Variants in SAMMSON observed in about 807,000 individuals in gnomAD.
The protein encoded by SAMMSON is survival associated mitochondrial melanoma specific oncogenic non-coding RNA.
chr3:70,363,831 TGACA>T (rs1702896502), intron 9 of SAMMSON, among the ~76,000 whole-genome samples: 2 of 142,420 alleles, frequency 1.4e-5, no homozygotes, highest in African/African-American at 5.1e-5. Flanking sequence ...TGTGTGTGCA[TGACA>T]GAGAGAGAGT....
intron 4 of SAMMSON, among the ~76,000 whole-genome samples, chr3:70,212,182 C>A (rs1449892956): frequency 1.3e-5 from 2 of 152,138 alleles, no homozygotes; most frequent in African/African-American, 4.8e-5. Context: ...CCTGGCACTG[C>A]GCTAACCACT....
chr3:70,430,153 T>C (rs1701402332), intron 2 of SAMMSON, among the ~76,000 whole-genome samples: 1 of 152,128 alleles, frequency 6.6e-6, no homozygotes, highest in African/African-American at 2.4e-5. Context: ...CAGTACCTAG[T>C]TTATTGAGAG....
intron 3 of SAMMSON, among the ~76,000 whole-genome samples, chr3:70,063,493 G>C (rs1265831207): frequency 6.6e-6 from 1 of 152,024 alleles, no homozygotes; most frequent in African/African-American, 2.4e-5. Context: ...ATCCCCATCA[G>C]CTTCTCTTCT....
At chr3:70,260,587 T>G (rs1452145012) in intron 6 of SAMMSON, among the ~76,000 whole-genome samples, 2 of 152,042 alleles carry the variant, frequency 1.3e-5, no homozygotes, top group African/African-American at 4.8e-5. Flanking sequence ...CATATTTTAT[T>G]TATTTATTAA....
At chr3:70,290,641 G>T (rs181612260) in intron 6 of SAMMSON, among the ~76,000 whole-genome samples, 1 of 152,172 alleles carries the variant, frequency 6.6e-6, no homozygotes, top group South Asian at 2.1e-4. Flanking sequence ...GGGCAATGGC[G>T]GGCGCCCCTC....
chr3:70,215,904 G>A (rs920189256), intron 4 of SAMMSON, among the ~76,000 whole-genome samples: 1 of 152,086 alleles, frequency 6.6e-6, no homozygotes, highest in African/African-American at 2.4e-5. Context: ...CACATTCTCT[G>A]TAGACTAACT....
At chr3:70,392,549 T>G (rs554223462), downstream of SAMMSON, among the ~76,000 whole-genome samples, 284 of 152,194 alleles carry the variant, frequency 1.9e-3, no homozygotes, top group African/African-American at 6.4e-3. Context: ...TAGAAGATAG[T>G]GGTTCTGTCT....
intron 3 of SAMMSON, chr3:70,068,907 C>T (rs1455527913): frequency 6.6e-6 from 1 of 152,018 alleles, no homozygotes; most frequent in Non-Finnish European, 1.5e-5. Flanking sequence ...AGAACTGTAG[C>T]AGTCGAAGTT....
chr3:70,397,582 T>C (rs927647334), intron 2 of SAMMSON, among the ~76,000 whole-genome samples: 1 of 152,206 alleles, frequency 6.6e-6, no homozygotes, highest in African/African-American at 2.4e-5. Flanking sequence ...GGATTAACAA[T>C]ATGTGTGTGT....
chr3:70,139,699 A>C (rs2067519769), intron 4 of SAMMSON, among the ~76,000 whole-genome samples: 1 of 152,074 alleles, frequency 6.6e-6, no homozygotes, highest in South Asian at 2.1e-4. Flanking sequence ...CCTCATTTGA[A>C]ATTGCTCGGC....
At position 70,338,268 on chromosome 3, in the gene SAMMSON, C is replaced by A. The variant is rs564840554; in HGVS notation, n.740-15907C>A. Among the ~76,000 whole-genome samples, 4 of 151,904 alleles carry A rather than the reference C, an allele frequency of 2.6e-5. No homozygotes were observed. In the South Asian group the frequency reaches 6.2e-4, roughly 24 times the overall value. On this transcript the variant is annotated intron_variant and non_coding_transcript_variant, in intron 7 of 9. Transcript: ENST00000642114. ...TACAGATATCTTTATTCTTTCTTTT[C>A]TTTTTAATATTATAAATTCCCTTTA...
intron 4 of SAMMSON, among the ~76,000 whole-genome samples, chr3:70,177,655 G>C (rs1015730609): frequency 6.6e-6 from 1 of 152,086 alleles, no homozygotes; most frequent in East Asian, 1.9e-4. Context: ...CCTCGCACTG[G>C]ACAATATGCT....
intron 4 of SAMMSON, among the ~76,000 whole-genome samples, chr3:70,109,697 G>A (rs1194321608): frequency 6.6e-6 from 1 of 152,184 alleles, no homozygotes; most frequent in African/African-American, 2.4e-5. Context: ...AAGATTGTGT[G>A]GCTAATACAC....
chr3:70,063,189 T>C (rs2067196709), intron 3 of SAMMSON, among the ~76,000 whole-genome samples: 1 of 151,998 alleles, frequency 6.6e-6, no homozygotes, highest in Non-Finnish European at 1.5e-5. Flanking sequence ...TAGAGCCTTT[T>C]ATCTCACTGC....
intron 6 of SAMMSON, among the ~76,000 whole-genome samples, chr3:70,268,618 T>C (rs1445048169): frequency 6.6e-6 from 1 of 152,184 alleles, no homozygotes; most frequent in Non-Finnish European, 1.5e-5. Context: ...TTTGGACAAA[T>C]GTATATTGAC....
intron 4 of SAMMSON, among the ~76,000 whole-genome samples, chr3:70,117,012 C>G (rs1338656240): frequency 6.6e-6 from 1 of 152,136 alleles, no homozygotes; most frequent in Non-Finnish European, 1.5e-5. Context: ...TCTCTGTCTC[C>G]CAAAGAATAA....
chr3:70,083,289 G>A (rs1413229147), intron 4 of SAMMSON, among the ~76,000 whole-genome samples: 1 of 152,144 alleles, frequency 6.6e-6, no homozygotes, highest in Non-Finnish European at 1.5e-5. Flanking sequence ...ACTTATGGGG[G>A]ATATCATTAC....
chr3:70,378,846 AAC>A (rs1323054724), intron 9 of SAMMSON, among the ~76,000 whole-genome samples: 1 of 152,120 alleles, frequency 6.6e-6, no homozygotes, highest in Non-Finnish European at 1.5e-5. Flanking sequence ...TCTTATAATG[AAC>A]AGTGAAGAGA....
At chr3:70,332,962 T>C (rs575329389) in intron 7 of SAMMSON, 150 of 152,352 alleles carry the variant, frequency 9.8e-4, no homozygotes, top group African/African-American at 3.6e-3. Flanking sequence ...CTACGTCCTC[T>C]ACTTTACCAA....
Sources: allele counts gnomAD v4.1 joint callset (sites outside exome capture counted in the v4.1 genomes callset), GRCh38; gene constraint gnomAD v4.1.1; transcripts MANE v1.5; gene names NCBI Gene and HGNC (gene_info 2026-07-23, HGNC 2026-07-21).